Variants in ATRNL1 observed in about 807,000 individuals in gnomAD.
The protein encoded by ATRNL1 is attractin-like protein 1.
Under a neutral mutation model 182.7 loss-of-function variants are expected in ATRNL1, and 95 were observed. The ratio of observed to expected loss-of-function variants is 0.52; its 90% confidence interval spans 0.44 to 0.62. ATRNL1 has a LOEUF of 0.62. ATRNL1 is among the 20% of genes least tolerant of loss of function. The pLI is 0.00. For missense variants in ATRNL1, 1,471 were observed against 1,679.5 expected, an observed-to-expected ratio of 0.88 and a Z score of 2.17; for synonymous variants, 576 against 568.3, an observed-to-expected ratio of 1.01 and a Z score of -0.19.
intron 26 of ATRNL1, among the ~76,000 whole-genome samples, chr10:115,613,338 T>A (rs182737622): frequency 3.3e-5 from 5 of 152,336 alleles, no homozygotes; most frequent in Non-Finnish European, 4.4e-5. Flanking sequence ...TTTAGTTATT[T>A]GCACATGTTG....
chr10:115,522,525 A>G (rs573901241), intron 25 of ATRNL1, among the ~76,000 whole-genome samples: 12 of 152,326 alleles, frequency 7.9e-5, no homozygotes, highest in African/African-American at 2.4e-4. Flanking sequence ...ATGGGTATCA[A>G]ATTTCAATAT....
intron 17 of ATRNL1, among the ~76,000 whole-genome samples, chr10:115,309,262 T>G (rs1209404473): frequency 1.3e-5 from 2 of 152,130 alleles, no homozygotes; most frequent in Admixed American, 1.3e-4. Context: ...TTTAGGCTCT[T>G]TTTTGGTTCT....
intron 25 of ATRNL1, among the ~76,000 whole-genome samples, chr10:115,535,549 T>G (rs1851925121): frequency 1.3e-5 from 2 of 152,150 alleles, no homozygotes; most frequent in Non-Finnish European, 2.9e-5. Flanking sequence ...TGCCTTTGGT[T>G]TGAATATCCT....
At chr10:115,793,916 C>T (rs1555082309) in intron 27 of ATRNL1, among the ~76,000 whole-genome samples, 1 of 152,100 alleles carries the variant, frequency 6.6e-6, no homozygotes, top group East Asian at 1.9e-4. Context: ...TATGTGCATC[C>T]ACTCTAAACA....
intron 19 of ATRNL1, among the ~76,000 whole-genome samples, chr10:115,373,050 A>G (rs1185078184): frequency 3.3e-5 from 5 of 151,966 alleles, no homozygotes; most frequent in South Asian, 2.1e-4. Context: ...TTTTTCATCA[A>G]TGTTTTATAA....
chr10:115,697,392 T>G (rs1946597457), intron 26 of ATRNL1, among the ~76,000 whole-genome samples: 1 of 152,048 alleles, frequency 6.6e-6, no homozygotes, highest in Non-Finnish European at 1.5e-5. Flanking sequence ...CTGGAGTGAT[T>G]ATGGCTCACT....
intron 21 of ATRNL1, among the ~76,000 whole-genome samples, chr10:115,449,263 C>T (rs1217428237): frequency 1.9e-4 from 29 of 152,174 alleles, no homozygotes; most frequent in Admixed American, 6.5e-5. Flanking sequence ...AGCAGCCAGA[C>T]ATTGGAGAGA....
chr10:115,593,586 A>G (rs1212358966), intron 26 of ATRNL1, among the ~76,000 whole-genome samples: 2 of 152,174 alleles, frequency 1.3e-5, no homozygotes, highest in African/African-American at 4.8e-5. Context: ...CTTTACCACA[A>G]ATGCCTACAC....
At chr10:115,431,800 T>A (rs924480620) in intron 21 of ATRNL1, among the ~76,000 whole-genome samples, 1 of 152,158 alleles carries the variant, frequency 6.6e-6, no homozygotes, top group Non-Finnish European at 1.5e-5. Flanking sequence ...TTTGTTTTTC[T>A]TATTTCAAAT....
chr10:115,304,314 TC>T (rs1184128599), intron 17 of ATRNL1, among the ~76,000 whole-genome samples: 1 of 152,172 alleles, frequency 6.6e-6, no homozygotes, highest in African/African-American at 2.4e-5. Context: ...CGTCCACTCT[TC>T]CTTCCCTCCT....
intron 8 of ATRNL1, among the ~76,000 whole-genome samples, chr10:115,203,922 T>G (rs1848701270): frequency 6.6e-6 from 1 of 151,716 alleles, no homozygotes; most frequent in Admixed American, 6.6e-5. Context: ...TTAAAATTTA[T>G]CTTATGGTTG....
chr10:115,608,781 G>C (rs1413395712), intron 26 of ATRNL1, among the ~76,000 whole-genome samples: 1 of 151,900 alleles, frequency 6.6e-6, no homozygotes, highest in Non-Finnish European at 1.5e-5. Flanking sequence ...ACAGATTAAA[G>C]CTGGACAACT....
At chr10:115,543,328 C>A (rs782660504) in intron 25 of ATRNL1, among the ~76,000 whole-genome samples, 1 of 151,998 alleles carries the variant, frequency 6.6e-6, no homozygotes, top group Non-Finnish European at 1.5e-5. Flanking sequence ...TTTTAATATT[C>A]ATATTTTTAT....
chr10:115,808,782 C>T (rs963527461), intron 27 of ATRNL1, among the ~76,000 whole-genome samples: 3 of 152,072 alleles, frequency 2.0e-5, no homozygotes, highest in East Asian at 1.9e-4. Flanking sequence ...GGTTGAGCAT[C>T]TTTTCATTTG....
chr10:115,186,538 T>C (rs1309876518), intron 8 of ATRNL1, among the ~76,000 whole-genome samples: 2 of 152,050 alleles, frequency 1.3e-5, no homozygotes, highest in Non-Finnish European at 2.9e-5. Flanking sequence ...TAAAAAAGAA[T>C]GCAACCCTGT....
chr10:115,908,187 A>G (rs1952560318), intron 28 of ATRNL1, among the ~76,000 whole-genome samples: 1 of 152,290 alleles, frequency 6.6e-6, no homozygotes, highest in East Asian at 1.9e-4. Flanking sequence ...CCTTCTCTGC[A>G]TGGAGTACAA....
chr10:115,928,254 G>C (rs988270170), intron 28 of ATRNL1, among the ~76,000 whole-genome samples: 2 of 152,016 alleles, frequency 1.3e-5, no homozygotes, highest in African/African-American at 4.8e-5. Flanking sequence ...TTTGTTCCAA[G>C]TAGCAAATTA....
chr10:115,309,192 T>C (rs1297736049), intron 17 of ATRNL1, among the ~76,000 whole-genome samples: 1 of 152,148 alleles, frequency 6.6e-6, no homozygotes, highest in Non-Finnish European at 1.5e-5. Flanking sequence ...TAGTATAATT[T>C]GAAGTTGGGT....
At chr10:115,254,210 C>T (rs1162049321) in intron 10 of ATRNL1, among the ~76,000 whole-genome samples, 1 of 152,220 alleles carries the variant, frequency 6.6e-6, no homozygotes, top group Non-Finnish European at 1.5e-5. Flanking sequence ...GGAATCACCA[C>T]ACTGTCTTCC....
Sources: allele counts gnomAD v4.1 joint callset (sites outside exome capture counted in the v4.1 genomes callset), GRCh38; gene constraint gnomAD v4.1.1; transcripts MANE v1.5; gene names NCBI Gene and HGNC (gene_info 2026-07-23, HGNC 2026-07-21).